Variants in GTPBP6 observed in about 807,000 individuals in gnomAD.
GTPBP6 encodes putative GTP-binding protein 6.
Under a neutral mutation model 28.9 loss-of-function variants are expected in GTPBP6, and 33 were observed. The ratio of observed to expected loss-of-function variants is 1.14; its 90% CI spans 0.87 to 1.53. The LOEUF is 1.53. GTPBP6 is among the 40% of genes most tolerant of loss of function. GTPBP6 has a pLI of 0.00. For missense variants in GTPBP6, 507 were observed against 408.3 expected (o/e 1.24, Z -2.08); for synonymous variants, 231 against 192.7 (o/e 1.20, Z -1.65).
intron 2 of GTPBP6, among the ~76,000 whole-genome samples, chrX:316,542 G>A (rs1202823242): frequency 1.3e-5 from 2 of 152,122 alleles, no homozygotes; most frequent in Non-Finnish European, 1.5e-5. Context: ...TCGCATGCTG[G>A]ACCCCACCCT....
chrX:318,789 G>A (rs2070487292), exon 1 of GTPBP6: 1 of 306,260 alleles, frequency 3.3e-6, no homozygotes, highest in Non-Finnish European at 6.0e-6. Flanking sequence ...GGCCCACATG[G>A]CGCGTCTGGA....
chrX:317,788 G>A (rs1312916791), intron 1 of GTPBP6, among the ~76,000 whole-genome samples: 1 of 118,112 alleles, frequency 8.5e-6, no homozygotes, highest in Non-Finnish European at 1.8e-5. Flanking sequence ...CTCCGCCCCC[G>A]CACTTTTACC....
intron 7 of GTPBP6, among the ~76,000 whole-genome samples, chrX:311,179 C>T (rs2070279974): frequency 6.7e-6 from 1 of 148,662 alleles, no homozygotes. Context: ...TTGTTCCGGC[C>T]CCGAGTTGGG....
intron 1 of GTPBP6, among the ~76,000 whole-genome samples, chrX:317,481 G>A (rs1367536946): frequency 6.8e-6 from 1 of 146,044 alleles, no homozygotes; most frequent in African/African-American, 2.6e-5. Context: ...ATCGACTACA[G>A]GAGCTTCCAA....
intron 7 of GTPBP6, among the ~76,000 whole-genome samples, chrX:308,793 G>T (rs1240200685): frequency 6.8e-6 from 1 of 147,490 alleles, no homozygotes; most frequent in South Asian, 2.1e-4. Context: ...GGAGTGCAGT[G>T]GCGCGATCTC....
intron 9 of GTPBP6, 134 bp downstream of exon 9, chrX:307,226 C>T: frequency 1.3e-6 from 1 of 747,274 alleles, no homozygotes; most frequent in South Asian, 1.8e-5. Flanking sequence ...GATGCAAACC[C>T]ATTCATCTCG....
exon 10 of GTPBP6, chrX:304,843 T>A (rs2070119184): frequency 8.5e-6 from 12 of 1,409,472 alleles, no homozygotes; most frequent in Non-Finnish European, 1.0e-5. Flanking sequence ...ACTGGAATTG[T>A]GTGGATGCTC....
At chrX:318,522 G>A (rs1189923080) in exon 1 of GTPBP6, 8 of 398,418 alleles carry the variant, frequency 2.0e-5, no homozygotes, top group Non-Finnish European at 3.1e-5. Flanking sequence ...CGGCAGCAGA[G>A]GCTCTCCCCG....
At position 317,055 on chromosome X, in the gene GTPBP6, CG is replaced by C. The variant is rs2070451899; in HGVS notation, c.350-5del. 3 of 398,498 alleles carry C rather than the reference CG, an allele frequency of 7.5e-6. No individual in the cohort carries two copies. Among genetic ancestry groups the C allele is most frequent in the Non-Finnish European group, 1.3e-5 (3 of 226,068 alleles). The allele number at this position is 398,498 out of a possible 1,614,324, so 24.7% of individuals were successfully genotyped here. On this transcript the variant is annotated splice_region_variant and splice_polypyrimidine_tract_variant and intron_variant, in intron 1 of 9. Coordinates refer to ENST00000326153, the Ensembl canonical transcript of GTPBP6. The stretch of plus-strand genomic sequence containing the variant: ...GCCTCCGCCACCTGCCACTCGGCTG[CG>C]GGGACACAAGGGCCACCGTGAGAGA...
chrX:311,695 G>T, intron 6 of GTPBP6, 68 bp from the exon 7 acceptor site: 1 of 1,326,764 alleles, frequency 7.5e-7, no homozygotes, highest in Non-Finnish European at 1.1e-6. Context: ...CCGCAGCCAG[G>T]CCCTCCAAAT....
intron 9 of GTPBP6, 94 bp from the exon 10 acceptor site, chrX:305,291 C>A: frequency 1.0e-4 from 92 of 892,842 alleles, no homozygotes; most frequent in Non-Finnish European, 1.5e-4. Flanking sequence ...GAGCTTAGCT[C>A]AAACCATTCA....
chrX:312,576 C>G (rs182803556), intron 6 of GTPBP6, 190 bp downstream of exon 6: 9 of 717,378 alleles, frequency 1.3e-5, no homozygotes, highest in Non-Finnish European at 2.3e-5. Flanking sequence ...AACCCGTCTC[C>G]TGGGTGAGCT....
exon 9 of GTPBP6, chrX:307,390 A>G: frequency 6.2e-7 from 1 of 1,612,460 alleles, no homozygotes; most frequent in Non-Finnish European, 8.5e-7. Context: ...CCTCACACGG[A>G]GAGTGAGGAT....
exon 7 of GTPBP6, chrX:311,585 A>G: frequency 6.2e-7 from 1 of 1,612,294 alleles, no homozygotes; most frequent in South Asian, 1.1e-5. Context: ...CCGTGGCTGG[A>G]TGGCGGCATC....
chrX:314,512 A>C (rs9635646), intron 4 of GTPBP6, among the ~76,000 whole-genome samples: 68,830 of 149,002 alleles, frequency 0.46, 16,553 homozygotes, highest in Middle Eastern at 0.55. Flanking sequence ...TCGCTCTGTC[A>C]CCCAGGCTGG....
exon 10 of GTPBP6, chrX:305,037 C>T (rs754047252): frequency 2.2e-5 from 35 of 1,606,836 alleles, no homozygotes; most frequent in South Asian, 5.6e-5. Flanking sequence ...CCCCAGGCAG[C>T]GATGCCCCCA....
At position 318,702 on chromosome X, in the gene GTPBP6, G is replaced by A. The variant is rs1216572825; in HGVS notation, c.86C>T (p.Pro29Leu). The change falls in exon 1 of 10, where the codon CCG becomes CTG. Residue 29 changes from proline to leucine, a missense_variant. By Grantham distance (98) the Pro-to-Leu change is moderately conservative. Transcript: ENST00000326153. Reference sequence around the variant, plus strand: ...GGCTAGCGCGCGCGCGGGGCAGGACGGCGCGGCTGCCCGCGGAGCCGAGCG... The same window carrying A: ...GGCTAGCGCGCGCGCGGGGCAGGACAGCGCGGCTGCCCGCGGAGCCGAGCG... The A allele has an allele frequency of 3.2e-5, 12 of 376,844 alleles. No individual in the cohort carries two copies. The Admixed American group carries it at 3.7e-4, about 12-fold the overall frequency. 23.3% of individuals were successfully genotyped at this position (376,844 alleles called of 1,614,324 possible).
intron 2 of GTPBP6, among the ~76,000 whole-genome samples, chrX:316,652 G>A (rs1440290301): frequency 6.6e-6 from 1 of 152,156 alleles, no homozygotes; most frequent in African/African-American, 2.4e-5. Flanking sequence ...TACCCTGTTT[G>A]TTGGACTCTA....
intron 6 of GTPBP6, chrX:311,909 CTG>C (rs2070308995): frequency 1.7e-6 from 1 of 596,222 alleles, no homozygotes; most frequent in African/African-American, 1.9e-5. Flanking sequence ...GTGAGGTCGT[CTG>C]TGTAGATTTG....
Sources: allele counts gnomAD v4.1 joint callset (sites outside exome capture counted in the v4.1 genomes callset), GRCh38; gene constraint gnomAD v4.1.1; transcripts MANE v1.5; gene names NCBI Gene and HGNC (gene_info 2026-07-23, HGNC 2026-07-21).